The following MPHOSPH10 variants were observed in gnomAD, a reference collection of about 807,000 sequenced individuals.
MPHOSPH10 encodes M-phase phosphoprotein 10.
Under a neutral mutation model 77.3 loss-of-function variants are expected in MPHOSPH10, and 33 were observed. The ratio of observed to expected loss-of-function variants is 0.43; its 90% confidence interval spans 0.32 to 0.57. MPHOSPH10 has a LOEUF of 0.57. MPHOSPH10 is among the 20% of genes least tolerant of loss of function. The pLI, the probability that MPHOSPH10 is intolerant of heterozygous loss-of-function variation, is 0.07. For synonymous variants in MPHOSPH10, 245 were observed against 268.0 expected (o/e 0.91, Z 0.84); for missense variants, 708 against 780.1 (o/e 0.91, Z 1.10).
chr2:71,132,694 A>G (rs1425194246), intron 1 of MPHOSPH10, among the ~76,000 whole-genome samples: 1 of 152,230 alleles, frequency 6.6e-6, no homozygotes, highest in African/African-American at 2.4e-5. Flanking sequence ...CCTAAAATCT[A>G]TACAGCCGAT....
chr2:71,140,445 A>G (rs1361419121), intron 6 of MPHOSPH10, among the ~76,000 whole-genome samples: 3 of 152,070 alleles, frequency 2.0e-5, no homozygotes, highest in Non-Finnish European at 4.4e-5. Flanking sequence ...ACTGATGATA[A>G]CCCATTAATC....
At chr2:71,141,014 A>G (rs1673600062) in intron 6 of MPHOSPH10, among the ~76,000 whole-genome samples, 1 of 151,852 alleles carries the variant, frequency 6.6e-6, no homozygotes, top group Admixed American at 6.6e-5. Flanking sequence ...TTATTTCAGG[A>G]GTTGAAAATT....
At chr2:71,140,067 A>G (rs1673582762) in intron 6 of MPHOSPH10, among the ~76,000 whole-genome samples, 1 of 152,110 alleles carries the variant, frequency 6.6e-6, no homozygotes, top group African/African-American at 2.4e-5. Context: ...GCCTGAGAGG[A>G]GCAAGAAGCC....
chr2:71,133,451 G>C lies in MPHOSPH10; in HGVS notation c.643G>C (p.Glu215Gln), dbSNP rs775192757. 6.2e-7 allele frequency: 1 copy of C among 1,613,944 alleles called. No individual in the cohort carries two copies. Among genetic ancestry groups the C allele is most frequent in the Non-Finnish European group, 8.5e-7 (1 of 1,179,942 alleles). The stretch of plus-strand genomic sequence containing the variant: ...ACTCTCTGAAATGGAGGCCTATTTA[G>C]AAAACATAGAAAAAGAAGAGGAACG... ...FKLSEMEAYL[E>Q]NIEKEEERKD... The change falls in exon 2 of 11, where the codon GAA becomes CAA. Residue 215 changes from glutamate (E) to glutamine (Q), a missense_variant. Physicochemically the swap from Glu to Gln is conservative, Grantham distance 29. This residue lies in a region of MPHOSPH10 where 433 missense variants were observed against 432.6 expected (regional missense o/e 1.00). Coordinates refer to ENST00000244230, the MANE Select transcript of MPHOSPH10 (RefSeq NM_005791.3).
In MPHOSPH10 at chr2:71,138,629, T is replaced by A. The variant is rs1350248834; in HGVS notation, c.1238T>A (p.Met413Lys). The change falls in exon 5 of 11, where the codon ATG becomes AAG. Residue 413 changes from methionine to lysine, a missense_variant and splice_region_variant. Around this residue, in one of 3 missense-constraint regions of MPHOSPH10, gnomAD observed 263 missense variants for 320.0 expected, o/e 0.82. Transcript: ENST00000244230. ...CTACACTTTGACCATGCTGTCCGGA[T>A]GGGTATGGTGCCCTCTTCTGTAGTT... Reference protein sequence around the residue: ...ETLHFDHAVRMAPVITEETTL... With the variant: ...ETLHFDHAVRKAPVITEETTL... 3 of 1,614,046 alleles carry A rather than the reference T, an allele frequency of 1.9e-6. No individual in the cohort carries two copies. The highest frequency in any genetic ancestry group is 2.5e-6 in the Non-Finnish European group (3 of 1,180,024).
intron 4 of MPHOSPH10, among the ~76,000 whole-genome samples, chr2:71,138,184 T>C (rs72905523): frequency 0.02 from 3,059 of 152,332 alleles, 100 homozygotes; most frequent in African/African-American, 0.07. Flanking sequence ...AAAGAATTAC[T>C]TGACTTGCGA....
intron 1 of MPHOSPH10, among the ~76,000 whole-genome samples, chr2:71,131,187 A>G (rs556628322): frequency 6.6e-6 from 1 of 152,280 alleles, no homozygotes; most frequent in South Asian, 2.1e-4. Flanking sequence ...TTCCCAACAC[A>G]AGCGTTTTAT....
At chr2:71,131,329 A>G (rs1673373484) in intron 1 of MPHOSPH10, among the ~76,000 whole-genome samples, 1 of 152,342 alleles carries the variant, frequency 6.6e-6, no homozygotes, top group Non-Finnish European at 1.5e-5. Flanking sequence ...TCCGTAGCAC[A>G]CAACTGGGAT....
chr2:71,134,812 A>C lies in MPHOSPH10; in HGVS notation c.1098+15A>C. 1.3e-6 allele frequency: 2 copies of C among 1,525,992 alleles called. No individual in the cohort carries two copies. Among genetic ancestry groups the C allele is most frequent in the Non-Finnish European group, 1.8e-6 (2 of 1,120,238 alleles). 94.5% of individuals were successfully genotyped at this position (1,525,992 alleles called of 1,614,324 possible). A position where few individuals can be genotyped will look rare whatever the true frequency, so the allele number is the denominator to read the frequency against. ...GACAGGAAAAGGTAATTAGTAATTT[A>C]AGGAATTTTTAATATACTTGATATT... On this transcript the variant is annotated intron_variant, in intron 4 of 10. Coordinates refer to ENST00000244230, the MANE Select transcript of MPHOSPH10 (RefSeq NM_005791.3).
intron 9 of MPHOSPH10, 95 bp from the exon 10 acceptor site, chr2:71,149,123 TGCACA>T (rs1339101984): frequency 2.8e-6 from 3 of 1,081,954 alleles, no homozygotes; most frequent in Admixed American, 5.3e-5. Context: ...TGGCCACAGA[TGCACA>T]GCCTGCTTGC....
Position 71,138,566 on chromosome 2 carries a change from C to T in MPHOSPH10, c.1175C>T (p.Ala392Val). The T allele has an allele frequency of 6.2e-7, 1 of 1,614,046 alleles. No homozygotes were observed. Residue 392 changes from alanine (A) to valine (V), a missense_variant, in exon 5 of 11, where the codon GCA becomes GTA. Coordinates refer to ENST00000244230, the MANE Select transcript of MPHOSPH10 (RefSeq NM_005791.3). ...TGGCAGCTTCAGGGGGAAGTGACAG[C>T]ACAGAAGAGGCCAGAGAACAGCCTC... ...KPWQLQGEVT[A>V]QKRPENSLLE...
intron 10 of MPHOSPH10, 76 bp from the exon 11 acceptor site, chr2:71,149,790 G>A: frequency 8.2e-7 from 1 of 1,217,914 alleles, no homozygotes. Context: ...TTGTTGTAAT[G>A]GTGATGTACT....
At chr2:71,146,618 G>A (rs910405274) in intron 8 of MPHOSPH10, among the ~76,000 whole-genome samples, 3 of 152,052 alleles carry the variant, frequency 2.0e-5, no homozygotes, top group African/African-American at 7.2e-5. Context: ...GATTACAGGC[G>A]TGAGTTACCG....
rs1369351528 is a variant in MPHOSPH10, at chr2:71,149,813, T to C, written c.1897-53T>C. On this transcript the variant is annotated intron_variant, in intron 10 of 10. Transcript: ENST00000244230. ...ATGGTGATGTACTATTTTTGGCTTT[T>C]TTCACTTATAAGTACATTTTACAGC... 4 of 1,477,190 alleles carry C rather than the reference T, an allele frequency of 2.7e-6. No homozygotes were observed. The South Asian group carries it at 4.5e-5, about 17-fold the overall frequency. 91.5% of individuals were successfully genotyped at this position (1,477,190 alleles called of 1,614,324 possible).
At chr2:71,148,431 C>G in intron 9 of MPHOSPH10, 1 of 204,844 alleles carries the variant, frequency 4.9e-6, no homozygotes, top group South Asian at 1.1e-4. Flanking sequence ...TATATACTAG[C>G]AATAGTTTAG....
chr2:71,144,144 G>C, intron 7 of MPHOSPH10: 1 of 213,754 alleles, frequency 4.7e-6, no homozygotes, highest in Non-Finnish European at 9.3e-6. Flanking sequence ...AGCCATCTTA[G>C]GAATAGCTTA....
chr2:71,137,044 T>C (rs1467646567), intron 4 of MPHOSPH10, among the ~76,000 whole-genome samples: 2 of 151,460 alleles, frequency 1.3e-5, no homozygotes, highest in Non-Finnish European at 2.9e-5. Context: ...ATGAACCTTA[T>C]TCTCTTGAAT....
Position 71,134,114 on chromosome 2 carries a change from T to A in MPHOSPH10, c.926+9T>A. 3 of 1,602,870 alleles carry A rather than the reference T, an allele frequency of 1.9e-6. No individual in the cohort carries two copies. Among genetic ancestry groups the A allele is most frequent in the Non-Finnish European group, 8.5e-7 (1 of 1,175,502 alleles). ...CTAAGTATTTCGGAAACGTGAGTAT[T>A]TTGAACCATCCTTTACATTGTAAGC... On this transcript the variant is annotated intron_variant, in intron 3 of 10. Coordinates refer to ENST00000244230, the MANE Select transcript of MPHOSPH10 (RefSeq NM_005791.3).
intron 9 of MPHOSPH10, chr2:71,148,424 A>G (rs1023523885): frequency 4.6e-6 from 1 of 217,842 alleles, no homozygotes; most frequent in Non-Finnish European, 9.3e-6. Flanking sequence ...CATTGCATAT[A>G]TACTAGCAAT....
Sources: gnomAD v4.1 joint callset for allele counts (sites outside exome capture counted in the v4.1 genomes callset) on GRCh38, gnomAD v4.1.1 for gene constraint, gnomAD v4.1.1 regional missense constraint, MANE v1.5 for transcripts, NCBI Gene and HGNC (gene_info 2026-07-23, HGNC 2026-07-21) for gene names.